DEPDC5: variants seen among roughly 807,000 people sequenced by gnomAD.
DEPDC5 encodes DEP domain containing 5, GATOR1 subcomplex subunit, also known as GATOR1 complex protein DEPDC5.
In DEPDC5, 73 loss-of-function variants were observed where a neutral mutation model predicts 217.3. That is an observed-to-expected ratio of 0.34 (90% CI 0.28 to 0.41). The LOEUF (loss-of-function observed/expected upper bound fraction) is 0.41, where lower values mean the gene tolerates loss of function less well. Among genes scored for constraint, DEPDC5 ranks in the 10% least tolerant of loss-of-function variants. The pLI, the probability that DEPDC5 is intolerant of heterozygous loss-of-function variation, is 1.00. For missense variants in DEPDC5, 1,675 were observed against 2,070.1 expected (o/e 0.81, Z 3.70); for synonymous variants, 733 against 756.7 (o/e 0.97, Z 0.51).
chr22:31,795,326 A>C (rs1303047982), intron 12 of DEPDC5, among the ~76,000 whole-genome samples: 1 of 146,532 alleles, frequency 6.8e-6, no homozygotes, highest in African/African-American at 2.5e-5. Context: ...GCCCTCAGCC[A>C]CCTAAAGTGC....
At chr22:31,899,905 C>T (rs2093619135) in intron 40 of DEPDC5, among the ~76,000 whole-genome samples, 1 of 152,194 alleles carries the variant, frequency 6.6e-6, no homozygotes, top group Admixed American at 6.5e-5. Context: ...GCCCTCCACC[C>T]TTCCCCCTCC....
chr22:31,773,605 C>T (rs1368637094), intron 7 of DEPDC5, among the ~76,000 whole-genome samples: 2 of 152,218 alleles, frequency 1.3e-5, no homozygotes, highest in East Asian at 1.9e-4. Flanking sequence ...AGTATTTCTA[C>T]ACTGGATCAA....
chr22:31,864,544 A>G lies in DEPDC5; in HGVS notation c.3330+3111A>G, dbSNP rs553916411. ...TATATATTTATATATTTATTTATTT[A>G]CTGTGTGTATTTCTTCATTTGTAAA... On this transcript the variant is annotated intron_variant, in intron 33 of 42. Coordinates refer to ENST00000651528, the MANE Select transcript of DEPDC5 (RefSeq NM_001242896.3). Among the ~76,000 whole-genome samples, 37 of 141,446 alleles carry G rather than the reference A, an allele frequency of 2.6e-4. 1 individual carries two copies. The South Asian group carries it at 7.6e-3, about 29-fold the overall frequency. The allele number at this position is 141,446 out of a possible 152,430, so 92.8% of individuals were successfully genotyped here. A position where few individuals can be genotyped will look rare whatever the true frequency, so the allele number is the denominator to read the frequency against.
chr22:31,888,968 CTT>C (rs1449795419), intron 38 of DEPDC5, among the ~76,000 whole-genome samples: 2 of 152,168 alleles, frequency 1.3e-5, no homozygotes, highest in African/African-American at 2.4e-5. Flanking sequence ...GCAAGCTTCT[CTT>C]TGAAAAACCC....
Position 31,901,705 on chromosome 22 carries a change from G to A in DEPDC5, c.4376-37G>A, listed in dbSNP as rs116364171. On this transcript the variant is annotated intron_variant, in intron 40 of 42. Coordinates refer to ENST00000651528, the MANE Select transcript of DEPDC5 (RefSeq NM_001242896.3). ...GCCCAGAGAGAATTACAAACCTTGTGATCACAACCCAATATTTATTCTTAT... is the reference window on the plus strand; with the variant it reads ...GCCCAGAGAGAATTACAAACCTTGTAATCACAACCCAATATTTATTCTTAT... The A allele has an allele frequency of 6.9e-4, 1,085 of 1,576,176 alleles. 7 individuals carry two copies. The African/African-American group carries it at 0.013, about 19-fold the overall frequency.
chr22:31,807,011 C>T (rs2087625356), intron 18 of DEPDC5, among the ~76,000 whole-genome samples: 1 of 152,110 alleles, frequency 6.6e-6, no homozygotes, highest in African/African-American at 2.4e-5. Flanking sequence ...GATCTTGTCT[C>T]TGGAAACAAA....
At chr22:31,879,009 G>C (rs1219060766) in intron 37 of DEPDC5, among the ~76,000 whole-genome samples, 1 of 127,286 alleles carries the variant, frequency 7.9e-6, no homozygotes, top group Non-Finnish European at 1.6e-5. Context: ...CAGCCTGGGC[G>C]ACAGAGCGAG....
chr22:31,792,734 C>T lies in DEPDC5; in HGVS notation c.695-11C>T. ...CAGCCTGAACTACATACTCCGTTTT[C>T]TCTATTTCAGATGAATTTCCTGAAA... On this transcript the variant is annotated splice_polypyrimidine_tract_variant and intron_variant, in intron 11 of 42. Transcript: ENST00000651528. The T allele has an allele frequency of 6.5e-7, 1 of 1,530,216 alleles. No homozygotes were observed. Among genetic ancestry groups the T allele is most frequent in the Non-Finnish European group, 8.7e-7 (1 of 1,147,162 alleles). 94.8% of individuals were successfully genotyped at this position (1,530,216 alleles called of 1,614,324 possible).
intron 41 of DEPDC5, among the ~76,000 whole-genome samples, chr22:31,905,523 C>G (rs750536172): frequency 6.6e-6 from 1 of 151,672 alleles, no homozygotes; most frequent in South Asian, 2.1e-4. Flanking sequence ...TGGATAGCCT[C>G]GAGTATGCGG....
intron 4 of DEPDC5, 38 bp from the exon 5 acceptor site, chr22:31,764,937 A>G (rs753102997): frequency 6.5e-7 from 1 of 1,531,718 alleles, no homozygotes; most frequent in Non-Finnish European, 9.0e-7. Context: ...TGCTTTTTCA[A>G]AATATGTTAT....
intron 27 of DEPDC5, among the ~76,000 whole-genome samples, chr22:31,841,939 C>T (rs749689843): frequency 9.2e-5 from 14 of 152,216 alleles, no homozygotes; most frequent in Non-Finnish European, 1.6e-4. Flanking sequence ...CTTGGCTTGG[C>T]TTGGTTGTTC....
At chr22:31,761,041 G>A (rs1182928389) in intron 4 of DEPDC5, among the ~76,000 whole-genome samples, 1 of 151,720 alleles carries the variant, frequency 6.6e-6, no homozygotes, top group African/African-American at 2.4e-5. Context: ...GAGTGCAGTG[G>A]CGCGATCTCG....
rs1465607027 is a variant in DEPDC5, at chr22:31,906,064, C to G, written c.4517C>G (p.Thr1506Arg). ...AENKPQYIHVTGTVFLQLPYS... is the reference protein window; with the variant it reads ...AENKPQYIHVRGTVFLQLPYS... ...AACAAGCCTCAGTATATCCACGTTA[C>G]AGGTGAGGAGCTACGGGCAGAGTTG... is the stretch of plus-strand genomic sequence containing the variant. The change falls in exon 42 of 43, where the codon ACA becomes AGA. Residue 1506 changes from threonine (T) to arginine (R), a missense_variant and splice_region_variant. Transcript: ENST00000651528. The surrounding 1 kb of genome is among the most constrained non-coding windows in gnomAD (Gnocchi z 5.1). The G allele has an allele frequency of 6.2e-7, 1 of 1,614,178 alleles. No individual in the cohort carries two copies. The highest frequency in any genetic ancestry group is 8.5e-7 in the Non-Finnish European group (1 of 1,180,024).
At chr22:31,807,960 G>A (rs543933613) in intron 18 of DEPDC5, among the ~76,000 whole-genome samples, 6 of 152,218 alleles carry the variant, frequency 3.9e-5, no homozygotes, top group African/African-American at 1.4e-4. Context: ...CTAATTTGGA[G>A]CAATCTGAGG....
At chr22:31,762,142 G>A (rs2082441975) in intron 4 of DEPDC5, among the ~76,000 whole-genome samples, 1 of 152,000 alleles carries the variant, frequency 6.6e-6, no homozygotes, top group African/African-American at 2.4e-5. Flanking sequence ...GCCTACTCTG[G>A]GTGAGTAGGG....
Position 31,833,989 on chromosome 22 carries a change from G to C in DEPDC5, c.2170+9G>C, listed in dbSNP as rs559672383. On this transcript the variant is annotated intron_variant, in intron 25 of 42. Coordinates refer to ENST00000651528, the MANE Select transcript of DEPDC5 (RefSeq NM_001242896.3). ...TACCTCTCCAGACCCAAGTAAGAGGGGGCAGCTGACTGGGGAAAGGGGTAG... is the reference window on the plus strand; with the variant it reads ...TACCTCTCCAGACCCAAGTAAGAGGCGGCAGCTGACTGGGGAAAGGGGTAG... 3 of 1,613,572 alleles carry C rather than the reference G, an allele frequency of 1.9e-6. 1 individual carries two copies. The South Asian group carries it at 3.3e-5, about 18-fold the overall frequency.
intron 33 of DEPDC5, among the ~76,000 whole-genome samples, chr22:31,861,673 C>T (rs751266794): frequency 6.6e-6 from 1 of 152,226 alleles, no homozygotes; most frequent in Non-Finnish European, 1.5e-5. Flanking sequence ...AAGTGTTTCT[C>T]ATCACTGTCT....
At chr22:31,873,199 G>A (rs906154597) in intron 34 of DEPDC5, 56 bp from the exon 35 acceptor site, 4 of 1,612,984 alleles carry the variant, frequency 2.5e-6, no homozygotes, top group Middle Eastern at 3.3e-4. Context: ...TAATATTCGT[G>A]CTCTTGACTG....
At chr22:31,904,174 T>C (rs1188504243) in intron 41 of DEPDC5, among the ~76,000 whole-genome samples, 1 of 150,964 alleles carries the variant, frequency 6.6e-6, no homozygotes, top group Non-Finnish European at 1.5e-5. Context: ...CGCTCCTCCT[T>C]CATCTTCCTC....
Sources: allele counts gnomAD v4.1 joint callset (sites outside exome capture counted in the v4.1 genomes callset), GRCh38; gene constraint gnomAD v4.1.1; non-coding constraint Gnocchi (gnomAD v3.1); transcripts MANE v1.5; gene names NCBI Gene and HGNC (gene_info 2026-07-23, HGNC 2026-07-21).